The following MECOM variants were observed in gnomAD, a reference collection of about 807,000 sequenced individuals.
MECOM encodes the protein MDS1 and EVI1 complex locus, also known as histone-lysine N-methyltransferase MECOM.
MECOM carries 13 observed loss-of-function variants against 116.3 expected under a neutral mutation model. The observed-to-expected ratio is 0.11, with a 90% CI of 0.07 to 0.18. The LOEUF (loss-of-function observed/expected upper bound fraction) is 0.18. MECOM is among the 10% of genes least tolerant of loss of function. The pLI is 1.00. For synonymous variants in MECOM, 528 were observed against 535.2 expected, an observed-to-expected ratio of 0.99 and a Z score of 0.19; for missense variants, 1,299 against 1,509.0, an observed-to-expected ratio of 0.86 and a Z score of 2.31.
chr3:169,361,913 C>T (rs928279464), intron 2 of MECOM, among the ~76,000 whole-genome samples: 3 of 151,800 alleles, frequency 2.0e-5, no homozygotes, highest in Non-Finnish European at 4.4e-5. Context: ...AATTATCTCT[C>T]TAAACAATTT....
chr3:169,483,742 T>C, intron 1 of MECOM: 1 of 1,595,032 alleles, frequency 6.3e-7, no homozygotes, highest in Non-Finnish European at 8.6e-7. Flanking sequence ...CTCTCTTTGC[T>C]GTTAGCAACT....
rs562770403 is a variant in MECOM, at chr3:169,342,438, C to T, written c.375+38749G>A. 5.3e-5 allele frequency among the ~76,000 whole-genome samples: 8 copies of T among 152,046 alleles called. No homozygotes were observed. The South Asian group carries it at 1.7e-3, about 32-fold the overall frequency. On this transcript the variant is annotated intron_variant, in intron 2 of 16. Transcript: ENST00000651503. ...AAAGAAAAGTGTCTATTTGAAAATG[C>T]CCTAACTCTACCAAATTATAAAATT...
intron 2 of MECOM, among the ~76,000 whole-genome samples, chr3:169,182,841 G>C (rs1056398528): frequency 4.6e-5 from 7 of 152,062 alleles, no homozygotes; most frequent in African/African-American, 1.7e-4. Flanking sequence ...ATTAATAAAT[G>C]AGATGCTACT....
chr3:169,642,269 A>C (rs1460896056), intron 1 of MECOM, among the ~76,000 whole-genome samples: 1 of 152,192 alleles, frequency 6.6e-6, no homozygotes, highest in Non-Finnish European at 1.5e-5. Context: ...GGCATGAAAA[A>C]CAAAACTTCT....
rs1771251943 is a variant in MECOM, at chr3:169,625,446, C to T, written c.37+37890G>A. On this transcript the variant is annotated intron_variant, in intron 1 of 16. Transcript: ENST00000651503. ...AGCATTGCCTATTAGTAATACATACCAAATTTACTTAAAAGTCTTAACATA... is the reference window on the plus strand; with the variant it reads ...AGCATTGCCTATTAGTAATACATACTAAATTTACTTAAAAGTCTTAACATA... 2.0e-5 allele frequency among the ~76,000 whole-genome samples: 3 copies of T among 152,142 alleles called. No homozygotes were observed. The South Asian group carries it at 6.2e-4, about 32-fold the overall frequency.
intron 2 of MECOM, among the ~76,000 whole-genome samples, chr3:169,244,324 T>C (rs1577450651): frequency 6.6e-6 from 1 of 152,292 alleles, no homozygotes; most frequent in South Asian, 2.1e-4. Flanking sequence ...GGTGTAGACA[T>C]AGCCCCGAGG....
chr3:169,473,595 C>T (rs1171550483), intron 1 of MECOM, among the ~76,000 whole-genome samples: 4 of 151,970 alleles, frequency 2.6e-5, no homozygotes, highest in Non-Finnish European at 5.9e-5. Flanking sequence ...ACAGTGAAAC[C>T]CTGTCTCTAC....
chr3:169,189,771 C>G (rs940670389), intron 2 of MECOM, among the ~76,000 whole-genome samples: 1 of 152,092 alleles, frequency 6.6e-6, no homozygotes, highest in African/African-American at 2.4e-5. Context: ...TAAATTCTCT[C>G]TCTCTCTTTC....
chr3:169,439,507 T>A (rs780328983), intron 1 of MECOM, among the ~76,000 whole-genome samples: 1 of 151,726 alleles, frequency 6.6e-6, no homozygotes, highest in Non-Finnish European at 1.5e-5. Context: ...ACACAAAAGG[T>A]CCACAAACAT....
At chr3:169,097,235 G>T (rs1365801171) in intron 12 of MECOM, among the ~76,000 whole-genome samples, 1 of 152,050 alleles carries the variant, frequency 6.6e-6, no homozygotes, top group Non-Finnish European at 1.5e-5. Flanking sequence ...CACACAAAGG[G>T]TCTTTTCCAA....
chr3:169,093,892 G>A (rs6805879), intron 13 of MECOM, among the ~76,000 whole-genome samples: 49,922 of 152,058 alleles, frequency 0.33, 8,511 homozygotes, highest in South Asian at 0.49. Context: ...GACAAAAACA[G>A]GAGGTTAGAA....
chr3:169,096,301 C>T (rs1721457215), intron 12 of MECOM, among the ~76,000 whole-genome samples: 1 of 150,608 alleles, frequency 6.6e-6, no homozygotes, highest in South Asian at 2.1e-4. Flanking sequence ...GATGGAGTCT[C>T]ACTCTGTCAC....
intron 1 of MECOM, among the ~76,000 whole-genome samples, chr3:169,599,219 TC>T (rs1323895490): frequency 6.6e-6 from 1 of 151,986 alleles, no homozygotes; most frequent in Non-Finnish European, 1.5e-5. Context: ...TTAAAGTGTG[TC>T]CCCTTTAGCA....
chr3:169,148,761 T>G (rs1740598271), intron 2 of MECOM, among the ~76,000 whole-genome samples: 1 of 152,066 alleles, frequency 6.6e-6, no homozygotes, highest in Non-Finnish European at 1.5e-5. Context: ...AGAACTATAT[T>G]TTCCCAAAAT....
chr3:169,444,831 G>A (rs558747506), intron 1 of MECOM, among the ~76,000 whole-genome samples: 1 of 152,162 alleles, frequency 6.6e-6, no homozygotes, highest in Non-Finnish European at 1.5e-5. Flanking sequence ...GATATGAACA[G>A]TAAGATCCAG....
intron 3 of MECOM, 86 bp downstream of exon 3, chr3:169,143,612 C>CT (rs1738802393): frequency 1.5e-6 from 2 of 1,349,000 alleles, no homozygotes. Context: ...CAAGGGTCTA[C>CT]TGCAGCTTAC....
At chr3:169,179,045 A>G (rs12636139) in intron 2 of MECOM, among the ~76,000 whole-genome samples, 27,348 of 152,214 alleles carry the variant, frequency 0.18, 2,835 homozygotes, top group East Asian at 0.43. Flanking sequence ...GAAAACTAGG[A>G]AAAACAAAAG....
chr3:169,637,536 T>C (rs911344305), intron 1 of MECOM, among the ~76,000 whole-genome samples: 1 of 152,188 alleles, frequency 6.6e-6, no homozygotes, highest in Non-Finnish European at 1.5e-5. Context: ...TTGAGGCCTA[T>C]GGATGACTCA....
intron 2 of MECOM, among the ~76,000 whole-genome samples, chr3:169,172,145 A>AG (rs1326094433): frequency 1.3e-5 from 2 of 151,710 alleles, no homozygotes; most frequent in Non-Finnish European, 2.9e-5. Context: ...AAAAAAAAAA[A>AG]TCTTCCCATG....
Sources: gnomAD v4.1 joint callset for allele counts (sites outside exome capture counted in the v4.1 genomes callset) on GRCh38, gnomAD v4.1.1 for gene constraint, MANE v1.5 for transcripts, NCBI Gene and HGNC (gene_info 2026-07-23, HGNC 2026-07-21) for gene names.